The following RPGRIP1L variants were observed in gnomAD, a reference collection of about 807,000 sequenced individuals.
The protein encoded by RPGRIP1L is RPGRIP1 like.
A neutral mutation model predicts 160.4 loss-of-function variants in RPGRIP1L; 131 were observed. That is an observed-to-expected ratio of 0.82 (90% CI 0.71 to 0.94). RPGRIP1L has a LOEUF of 0.94. Ranked by LOEUF, RPGRIP1L falls within the 40% of genes least tolerant of loss-of-function variation. RPGRIP1L has a pLI of 0.00. For synonymous variants in RPGRIP1L, 510 were observed against 515.8 expected, an observed-to-expected ratio of 0.99 and a Z score of 0.15; for missense variants, 1,522 against 1,535.8, an observed-to-expected ratio of 0.99 and a Z score of 0.15.
At chr16:53,697,905 C>G (rs1394871732) in intron 2 of RPGRIP1L, among the ~76,000 whole-genome samples, 1 of 151,356 alleles carries the variant, frequency 6.6e-6, no homozygotes, top group African/African-American at 2.4e-5. Context: ...GCCATCCCAT[C>G]TAGGAAGTGA....
At position 53,637,705 on chromosome 16, in the gene RPGRIP1L, C is replaced by T. The variant is rs375177321; in HGVS notation, c.3210G>A (p.Leu1070=). 9.9e-6 allele frequency: 16 copies of T among 1,609,010 alleles called. No homozygotes were observed. The highest frequency in any genetic ancestry group is 1.4e-5 in the Non-Finnish European group (16 of 1,179,672). The change falls in exon 21 of 27, where the codon TTG becomes TTA. Residue 1070 remains leucine (L), a synonymous_variant. Coordinates refer to ENST00000647211, the MANE Select transcript of RPGRIP1L (RefSeq NM_015272.5). ...SEDETEITED[L]EPEVEEDMSA... ...AAATAAGAAAGTCACCTTCTGGTTC[C>T]AAGTCCTCTGTTATTTCTGTTTCAT...
At chr16:53,615,167 T>C (rs932608434) in intron 24 of RPGRIP1L, among the ~76,000 whole-genome samples, 2 of 152,178 alleles carry the variant, frequency 1.3e-5, no homozygotes, top group Non-Finnish European at 2.9e-5. Flanking sequence ...GACTGTTCCA[T>C]CCCTAGAGGC....
At chr16:53,646,774 C>A (rs1369350731) in intron 16 of RPGRIP1L, among the ~76,000 whole-genome samples, 2 of 152,178 alleles carry the variant, frequency 1.3e-5, no homozygotes, top group African/African-American at 4.8e-5. Context: ...ACAAAGGCAT[C>A]CCTCTGCATT....
At chr16:53,688,693 A>G (rs1166411436) in intron 4 of RPGRIP1L, among the ~76,000 whole-genome samples, 1 of 152,072 alleles carries the variant, frequency 6.6e-6, no homozygotes, top group Non-Finnish European at 1.5e-5. Context: ...GGAGAACAAA[A>G]CAACAAATTT....
At chr16:53,667,408 G>C (rs574804722) in intron 9 of RPGRIP1L, among the ~76,000 whole-genome samples, 2 of 152,326 alleles carry the variant, frequency 1.3e-5, no homozygotes, top group African/African-American at 2.4e-5. Flanking sequence ...CCTAATGTGA[G>C]AGACAGGAAA....
At chr16:53,676,651 TGA>T (rs1235472734) in intron 6 of RPGRIP1L, among the ~76,000 whole-genome samples, 2 of 152,118 alleles carry the variant, frequency 1.3e-5, no homozygotes, top group Non-Finnish European at 2.9e-5. Flanking sequence ...TATTTTTTTT[TGA>T]GACGGAGACT....
rs548549521 is a variant in RPGRIP1L at position 53,609,174 on chromosome 16, G to A, written c.3701+1793C>T. On this transcript the variant is annotated intron_variant, in intron 25 of 26. Coordinates refer to ENST00000647211, the MANE Select transcript of RPGRIP1L (RefSeq NM_015272.5). ...CACAACCATTGCTCACTGCAAGCTCGAACTCCTGGGCTCAAGCGGTCCTTC... is the reference window on the plus strand; with the variant it reads ...CACAACCATTGCTCACTGCAAGCTCAAACTCCTGGGCTCAAGCGGTCCTTC... Among the ~76,000 whole-genome samples the A allele has an allele frequency of 1.3e-3, 203 of 152,280 alleles. 2 individuals carry two copies. The highest frequency in any genetic ancestry group is 4.7e-3 in the African/African-American group (194 of 41,560).
chr16:53,656,447 G>T, intron 14 of RPGRIP1L, 25 bp downstream of exon 14: 2 of 1,443,402 alleles, frequency 1.4e-6, no homozygotes, highest in South Asian at 1.1e-5. Flanking sequence ...AGTTACTGTG[G>T]ACCAAAAAAT....
intron 6 of RPGRIP1L, among the ~76,000 whole-genome samples, chr16:53,680,563 A>C (rs1159437235): frequency 1.3e-5 from 2 of 152,128 alleles, no homozygotes; most frequent in Admixed American, 1.3e-4. Flanking sequence ...AACAACAGCT[A>C]TTACAAAAAG....
chr16:53,682,757 T>C lies in RPGRIP1L; in HGVS notation c.776+3676A>G, dbSNP rs376654716. 1.1e-3 allele frequency among the ~76,000 whole-genome samples: 164 copies of C among 152,308 alleles called. 1 individual carries two copies. Among genetic ancestry groups the C allele is most frequent in the Non-Finnish European group, 2.1e-3 (144 of 68,016 alleles). ...TTCAGTGTTGAGAGGTCTGGTCCTT[T>C]AGCACTGTTTCTCACAAGGAACCAT... On this transcript the variant is annotated intron_variant, in intron 6 of 26. Transcript: ENST00000647211.
intron 6 of RPGRIP1L, 49 bp downstream of exon 6, chr16:53,686,384 T>A: frequency 6.3e-7 from 1 of 1,576,058 alleles, no homozygotes; most frequent in Non-Finnish European, 8.7e-7. Context: ...GATAAAGTAT[T>A]TTAAACTAAT....
chr16:53,677,129 C>T (rs1297275859), intron 6 of RPGRIP1L, among the ~76,000 whole-genome samples: 1 of 152,082 alleles, frequency 6.6e-6, no homozygotes, highest in Admixed American at 6.5e-5. Flanking sequence ...TCGGTGGGTG[C>T]TTTCCTGAAT....
At chr16:53,635,834 T>TA (rs1414579816) in intron 22 of RPGRIP1L, among the ~76,000 whole-genome samples, 2 of 152,176 alleles carry the variant, frequency 1.3e-5, no homozygotes, top group East Asian at 3.8e-4. Flanking sequence ...CAATAAAAAA[T>TA]GCTCTGGTAA....
intron 22 of RPGRIP1L, among the ~76,000 whole-genome samples, chr16:53,623,180 T>G (rs995531448): frequency 6.6e-5 from 10 of 152,154 alleles, no homozygotes; most frequent in African/African-American, 2.2e-4. Context: ...ACTAATACAA[T>G]AGCTTCCTAG....
At chr16:53,698,993 T>C (rs1025570648) in intron 2 of RPGRIP1L, among the ~76,000 whole-genome samples, 81 of 152,238 alleles carry the variant, frequency 5.3e-4, no homozygotes, top group African/African-American at 1.8e-3. Context: ...GGTTGCCGTG[T>C]CTGTGTGGAA....
intron 13 of RPGRIP1L, 46 bp downstream of exon 13, chr16:53,657,407 G>T: frequency 7.8e-7 from 1 of 1,284,220 alleles, no homozygotes; most frequent in South Asian, 1.2e-5. Flanking sequence ...TAAATCATCA[G>T]AATATTATAG....
At position 53,702,763 on chromosome 16, in the gene RPGRIP1L, C is replaced by T. The variant is rs117962648; in HGVS notation, c.-8+1040G>A. 1.8e-4 allele frequency among the ~76,000 whole-genome samples: 28 copies of T among 151,822 alleles called. No individual in the cohort carries two copies. In the East Asian group the frequency reaches 5.4e-3, roughly 29 times the overall value. On this transcript the variant is annotated intron_variant, in intron 1 of 26. Transcript: ENST00000647211. Reference sequence around the variant, plus strand: ...GAATTCATGGGTTCAAGTGATCCTCCCACCTCAGCCTCCCGAGTAGCTGGA... The same window carrying T: ...GAATTCATGGGTTCAAGTGATCCTCTCACCTCAGCCTCCCGAGTAGCTGGA...
rs1030566201 is a variant in RPGRIP1L, at chr16:53,692,377, T to C, written c.231-13A>G. 29 of 1,610,942 alleles carry C rather than the reference T, an allele frequency of 1.8e-5. 1 individual carries two copies. The highest frequency in any genetic ancestry group is 9.9e-5 in the South Asian group (9 of 91,024). On this transcript the variant is annotated splice_polypyrimidine_tract_variant and intron_variant, in intron 3 of 26. Coordinates refer to ENST00000647211, the MANE Select transcript of RPGRIP1L (RefSeq NM_015272.5). ...CTTGGTGGCCATTCTGGGGAAATAA[T>C]AAAAAGATGAAAAGGAATGTGAGAA...
At chr16:53,638,021 A>G (rs1965950050) in intron 20 of RPGRIP1L, among the ~76,000 whole-genome samples, 167 bp from the exon 21 acceptor site, 1 of 152,200 alleles carries the variant, frequency 6.6e-6, no homozygotes, top group South Asian at 2.1e-4. Flanking sequence ...TGTACAAATG[A>G]TAATATATAG....
Sources: allele counts gnomAD v4.1 joint callset (sites outside exome capture counted in the v4.1 genomes callset), GRCh38; gene constraint gnomAD v4.1.1; transcripts MANE v1.5; gene names NCBI Gene and HGNC (gene_info 2026-07-23, HGNC 2026-07-21).